PHF21B: variants seen among roughly 807,000 people sequenced by gnomAD.
PHF21B encodes PHD finger protein 21B, also known as PHD finger protein 4.
Under a neutral mutation model 62.2 loss-of-function variants are expected in PHF21B, and 22 were observed. The ratio of observed to expected loss-of-function variants is 0.35; its 90% CI spans 0.25 to 0.51. The LOEUF (loss-of-function observed/expected upper bound fraction) is 0.51. PHF21B is among the 20% of genes least tolerant of loss of function. The pLI is 0.97. For synonymous variants in PHF21B, 341 were observed against 314.7 expected (o/e 1.08, Z -0.88); for missense variants, 701 against 707.9 (o/e 0.99, Z 0.11).
At chr22:44,911,914 C>T (rs1041916793) in intron 5 of PHF21B, among the ~76,000 whole-genome samples, 1 of 152,192 alleles carries the variant, frequency 6.6e-6, no homozygotes, top group Non-Finnish European at 1.5e-5. Flanking sequence ...GTGAAAGCAA[C>T]CAGGAGGGAG....
At chr22:45,008,284 A>C in intron 2 of PHF21B, 1 of 342,942 alleles carries the variant, frequency 2.9e-6, no homozygotes, top group Non-Finnish European at 5.2e-6. Context: ...CACCACCTCA[A>C]AATGGACGCC....
chr22:44,996,724 G>A (rs887324567), intron 2 of PHF21B, among the ~76,000 whole-genome samples: 1 of 151,694 alleles, frequency 6.6e-6, no homozygotes, highest in Non-Finnish European at 1.5e-5. Context: ...ATATACACAT[G>A]CATGCAAACA....
At chr22:44,934,482 CA>C (rs747930880) in intron 2 of PHF21B, among the ~76,000 whole-genome samples, 536 of 152,248 alleles carry the variant, frequency 3.5e-3, no homozygotes, top group Non-Finnish European at 5.8e-3. Flanking sequence ...CAGAGAGGGA[CA>C]GTCTAGAGGT....
At chr22:44,900,680 T>C (rs950842066) in intron 5 of PHF21B, among the ~76,000 whole-genome samples, 1 of 152,218 alleles carries the variant, frequency 6.6e-6, no homozygotes, top group Non-Finnish European at 1.5e-5. Context: ...TTGTTCTTTC[T>C]TTCCCTTATT....
At chr22:44,958,411 G>A (rs1180054299) in intron 2 of PHF21B, among the ~76,000 whole-genome samples, 2 of 152,102 alleles carry the variant, frequency 1.3e-5, no homozygotes. Flanking sequence ...GGAGGCCTGT[G>A]TCCTTCGATT....
intron 2 of PHF21B, among the ~76,000 whole-genome samples, chr22:44,969,408 A>C (rs1243448844): frequency 1.3e-5 from 2 of 152,118 alleles, no homozygotes; most frequent in African/African-American, 4.8e-5. Flanking sequence ...GCTCGCACCT[A>C]TAATTCCAGC....
chr22:44,942,459 C>T (rs940024315), intron 2 of PHF21B, among the ~76,000 whole-genome samples: 2 of 152,306 alleles, frequency 1.3e-5, no homozygotes, highest in African/African-American at 2.4e-5. Flanking sequence ...ATCCCCCCAG[C>T]TCTGTGGAAA....
At chr22:44,893,615 C>T in intron 6 of PHF21B, 82 bp from the exon 7 acceptor site, 2 of 1,326,460 alleles carry the variant, frequency 1.5e-6, no homozygotes, top group Non-Finnish European at 2.1e-6. Context: ...CCCTGGGCAC[C>T]ACCATCCCCT....
chr22:44,993,483 G>C (rs1278925360), intron 2 of PHF21B, among the ~76,000 whole-genome samples: 2 of 152,226 alleles, frequency 1.3e-5, no homozygotes, highest in African/African-American at 2.4e-5. Context: ...GGCTGAACCA[G>C]ACCCCAGCTT....
chr22:44,934,734 G>T (rs761600641), intron 2 of PHF21B, among the ~76,000 whole-genome samples: 1 of 152,116 alleles, frequency 6.6e-6, no homozygotes, highest in Non-Finnish European at 1.5e-5. Flanking sequence ...AGAACTAAAG[G>T]TCCCCTCAGC....
At chr22:44,919,122 C>G (rs1447616198) in intron 3 of PHF21B, among the ~76,000 whole-genome samples, 1 of 152,188 alleles carries the variant, frequency 6.6e-6, no homozygotes, top group African/African-American at 2.4e-5. Context: ...CTAGCTCAAG[C>G]ACTACCTCCT....
chr22:44,893,946 C>G (rs2147260280), intron 6 of PHF21B, among the ~76,000 whole-genome samples: 1 of 152,372 alleles, frequency 6.6e-6, no homozygotes, highest in African/African-American at 2.4e-5. Flanking sequence ...AGGAGCAAGC[C>G]TCTACCCAGG....
chr22:44,884,569 T>TTA (rs57605421), intron 12 of PHF21B, among the ~76,000 whole-genome samples: 1 of 146,972 alleles, frequency 6.8e-6, no homozygotes, highest in African/African-American at 2.5e-5. Context: ...ATCGCCATTA[T>TTA]CACCATCACT....
rs1214581549 is a variant in PHF21B at position 45,009,449 on chromosome 22, C to T, written c.54+47G>A. On this transcript the variant is annotated intron_variant, in intron 1 of 12. Transcript: ENST00000313237. The surrounding 1 kb of genome is among the most constrained non-coding windows in gnomAD (Gnocchi z 5.9). Reference sequence around the variant, plus strand: ...GGGCTCGGGTCCCCCGACCCCCTCACCCCGCAACACACTCCCCGGCCCCGG... The same window carrying T: ...GGGCTCGGGTCCCCCGACCCCCTCATCCCGCAACACACTCCCCGGCCCCGG... The T allele has an allele frequency of 2.0e-6, 3 of 1,508,164 alleles. No homozygotes were observed. The highest frequency in any genetic ancestry group is 2.1e-5 in the Admixed American group (1 of 48,076). The allele number at this position is 1,508,164 out of a possible 1,614,324, so 93.4% of individuals were successfully genotyped here.
chr22:44,992,630 C>G lies in PHF21B; in HGVS notation c.120+15915G>C, dbSNP rs73892225. 5.0e-3 allele frequency among the ~76,000 whole-genome samples: 758 copies of G among 152,376 alleles called. 6 individuals are homozygous for G. The highest frequency in any genetic ancestry group is 0.018 in the African/African-American group (730 of 41,596). On this transcript the variant is annotated intron_variant, in intron 2 of 12. Transcript: ENST00000313237. The stretch of plus-strand genomic sequence containing the variant: ...AGAGCCAGGGTCCCCACCAACTCAG[C>G]CTGAGGCCGGCTCTGGCTTTTGGCC...
chr22:44,920,883 A>T (rs1601600374), intron 2 of PHF21B, among the ~76,000 whole-genome samples: 1 of 152,356 alleles, frequency 6.6e-6, no homozygotes, highest in South Asian at 2.1e-4. Flanking sequence ...AGCAGACATA[A>T]TGGTATTTCC....
intron 2 of PHF21B, among the ~76,000 whole-genome samples, chr22:44,991,067 C>T (rs1479716074): frequency 1.3e-5 from 2 of 152,196 alleles, no homozygotes; most frequent in African/African-American, 4.8e-5. Flanking sequence ...ACGAGGGTGC[C>T]GTCCATCGGG....
At chr22:44,956,491 C>T (rs989483383) in intron 2 of PHF21B, among the ~76,000 whole-genome samples, 11 of 152,334 alleles carry the variant, frequency 7.2e-5, no homozygotes, top group African/African-American at 2.6e-4. Context: ...ATGAAATCGT[C>T]AATATTTAAT....
intron 2 of PHF21B, among the ~76,000 whole-genome samples, chr22:44,997,942 C>T (rs537414490): frequency 1.3e-5 from 2 of 151,936 alleles, no homozygotes; most frequent in African/African-American, 2.4e-5. Flanking sequence ...GGGAATGACT[C>T]TTCCGTAACA....
Sources: allele counts gnomAD v4.1 joint callset (sites outside exome capture counted in the v4.1 genomes callset), GRCh38; gene constraint gnomAD v4.1.1; non-coding constraint Gnocchi (gnomAD v3.1); transcripts MANE v1.5; gene names NCBI Gene and HGNC (gene_info 2026-07-23, HGNC 2026-07-21).